The following PARD3 variants were observed in gnomAD, a reference collection of about 807,000 sequenced individuals.
PARD3 encodes the protein par-3 family cell polarity regulator.
A neutral mutation model predicts 155.4 loss-of-function variants in PARD3; 75 were observed. The ratio of observed to expected loss-of-function variants is 0.48; its 90% CI spans 0.40 to 0.58. PARD3 has a LOEUF of 0.58. Among genes scored for constraint, PARD3 ranks in the 20% least tolerant of loss-of-function variants. The pLI, the probability that PARD3 is intolerant of heterozygous loss-of-function variation, is 0.00. For missense variants in PARD3, 1,642 were observed against 1,721.7 expected, an observed-to-expected ratio of 0.95 and a Z score of 0.82; for synonymous variants, 576 against 610.5, an observed-to-expected ratio of 0.94 and a Z score of 0.83.
At chr10:34,465,496 T>C (rs1478046665) in intron 4 of PARD3, among the ~76,000 whole-genome samples, 1 of 152,180 alleles carries the variant, frequency 6.6e-6, no homozygotes, top group East Asian at 1.9e-4. Flanking sequence ...ATTGGAAAGA[T>C]AGCAAACATG....
intron 2 of PARD3, among the ~76,000 whole-genome samples, chr10:34,664,921 G>T (rs1466067079): frequency 6.6e-6 from 1 of 152,044 alleles, no homozygotes; most frequent in Non-Finnish European, 1.5e-5. Flanking sequence ...TCTCTTCTAT[G>T]ATGGCTTACA....
intron 23 of PARD3, among the ~76,000 whole-genome samples, chr10:34,130,974 T>C (rs1251654000): frequency 6.6e-6 from 1 of 152,122 alleles, no homozygotes; most frequent in African/African-American, 2.4e-5. Context: ...GTAGGAGGAT[T>C]GCCTAAGCCT....
At chr10:34,454,938 C>T (rs1316677346) in intron 4 of PARD3, among the ~76,000 whole-genome samples, 1 of 152,136 alleles carries the variant, frequency 6.6e-6, no homozygotes, top group Non-Finnish European at 1.5e-5. Flanking sequence ...CTTAGCCCTC[C>T]CCAAGCTTAT....
At chr10:34,237,607 T>G (rs1262023768) in intron 22 of PARD3, among the ~76,000 whole-genome samples, 1 of 152,212 alleles carries the variant, frequency 6.6e-6, no homozygotes, top group Non-Finnish European at 1.5e-5. Flanking sequence ...TAAATCTTCC[T>G]GACACATCTT....
chr10:34,520,382 C>T (rs1433513318), intron 2 of PARD3, among the ~76,000 whole-genome samples: 1 of 152,034 alleles, frequency 6.6e-6, no homozygotes, highest in Non-Finnish European at 1.5e-5. Flanking sequence ...ATAATTGGGC[C>T]ACTCAACCTT....
chr10:34,336,251 A>G lies in PARD3; in HGVS notation c.2561-8T>C, dbSNP rs769809766. 4 of 1,609,924 alleles carry G rather than the reference A, an allele frequency of 2.5e-6. No homozygotes were observed. The highest frequency in any genetic ancestry group is 3.4e-6 in the Non-Finnish European group (4 of 1,176,560). The stretch of plus-strand genomic sequence containing the variant: ...GTTTAGTCTCGTCAGCTACTGTTAA[A>G]AGGTAAATGTATAATAGTTAGCCCA... On this transcript the variant is annotated splice_polypyrimidine_tract_variant and splice_region_variant and intron_variant, in intron 17 of 24. Transcript: ENST00000374788.
intron 22 of PARD3, among the ~76,000 whole-genome samples, chr10:34,261,953 A>G (rs1264748212): frequency 6.6e-6 from 1 of 152,268 alleles, no homozygotes; most frequent in African/African-American, 2.4e-5. Flanking sequence ...TATAAATGCC[A>G]GGATAAAGCT....
At chr10:34,771,081 C>T (rs894647238) in intron 1 of PARD3, among the ~76,000 whole-genome samples, 7 of 152,160 alleles carry the variant, frequency 4.6e-5, no homozygotes, top group African/African-American at 1.7e-4. Context: ...GAATACCAAC[C>T]TAGTATTAAA....
At chr10:34,519,867 T>TAACA (rs1378151380) in intron 2 of PARD3, among the ~76,000 whole-genome samples, 4 of 149,950 alleles carry the variant, frequency 2.7e-5, no homozygotes, top group Non-Finnish European at 4.4e-5. Context: ...TAACATAACA[T>TAACA]AACATAACAT....
chr10:34,284,578 G>A (rs897171538), intron 20 of PARD3, among the ~76,000 whole-genome samples: 1 of 152,160 alleles, frequency 6.6e-6, no homozygotes, highest in Non-Finnish European at 1.5e-5. Flanking sequence ...TACTTTAGAT[G>A]CTAGAGGAAG....
At chr10:34,741,591 T>C (rs1394947624) in intron 1 of PARD3, among the ~76,000 whole-genome samples, 1 of 152,186 alleles carries the variant, frequency 6.6e-6, no homozygotes, top group African/African-American at 2.4e-5. Flanking sequence ...CGACAGCCCC[T>C]GTGCAGAGGA....
chr10:34,551,220 G>A lies in PARD3; in HGVS notation c.223-34061C>T, dbSNP rs140410934. Among the ~76,000 whole-genome samples the A allele has an allele frequency of 5.9e-5, 9 of 152,222 alleles. No individual in the cohort carries two copies. The East Asian group carries it at 1.7e-3, about 29-fold the overall frequency. On this transcript the variant is annotated intron_variant, in intron 2 of 24. Coordinates refer to ENST00000374788, the MANE Select transcript of PARD3 (RefSeq NM_001184785.2). ...TATGTCAAAGGGGTAAGAAGAAAAT[G>A]CTCATATCCCGAAGCAGTGCCCTGT...
intron 2 of PARD3, among the ~76,000 whole-genome samples, chr10:34,665,310 G>A (rs375421608): frequency 2.6e-5 from 4 of 151,648 alleles, no homozygotes; most frequent in African/African-American, 4.8e-5. Context: ...TCGGGAGTTC[G>A]AGACCAGCCT....
intron 4 of PARD3, among the ~76,000 whole-genome samples, chr10:34,454,245 C>G (rs976171531): frequency 1.3e-5 from 2 of 152,038 alleles, no homozygotes; most frequent in Non-Finnish European, 2.9e-5. Context: ...CAATGTGTAT[C>G]AAGTGCATAC....
chr10:34,648,501 T>C lies in PARD3; in HGVS notation c.222+47817A>G, dbSNP rs2496723. Among the ~76,000 whole-genome samples, 605 of 152,246 alleles carry C rather than the reference T, an allele frequency of 4.0e-3. 5 individuals are homozygous for C. The highest frequency in any genetic ancestry group is 0.014 in the African/African-American group (581 of 41,560). On this transcript the variant is annotated intron_variant, in intron 2 of 24. Transcript: ENST00000374788. ...TCATGTAAGACAATTTTTCCACAAA[T>C]GGGGGCTTGGGAGGATGGTTTCAGG...
intron 20 of PARD3, among the ~76,000 whole-genome samples, chr10:34,294,174 G>C (rs1049154817): frequency 3.9e-5 from 6 of 152,160 alleles, no homozygotes; most frequent in Non-Finnish European, 7.4e-5. Context: ...GGTTGTAAAT[G>C]CTTATGAGGT....
At chr10:34,380,938 GC>G (rs1353421184) in intron 9 of PARD3, among the ~76,000 whole-genome samples, 2 of 152,106 alleles carry the variant, frequency 1.3e-5, no homozygotes, top group African/African-American at 4.8e-5. Flanking sequence ...TTTAAGTAGA[GC>G]AAAAGGAGGA....
intron 2 of PARD3, among the ~76,000 whole-genome samples, chr10:34,572,261 C>T (rs2086474246): frequency 1.3e-5 from 2 of 152,028 alleles, no homozygotes; most frequent in Non-Finnish European, 1.5e-5. Context: ...AATCCCAGCA[C>T]TTTAGGAGGC....
intron 1 of PARD3, among the ~76,000 whole-genome samples, chr10:34,777,976 C>T (rs1332124253): frequency 6.6e-6 from 1 of 152,168 alleles, no homozygotes; most frequent in Non-Finnish European, 1.5e-5. Flanking sequence ...ACCACATCCA[C>T]GGCTCTTGAG....
Sources: allele counts gnomAD v4.1 joint callset (sites outside exome capture counted in the v4.1 genomes callset), GRCh38; gene constraint gnomAD v4.1.1; transcripts MANE v1.5; gene names NCBI Gene and HGNC (gene_info 2026-07-23, HGNC 2026-07-21).